The following COL19A1 variants were observed in gnomAD, a reference collection of about 807,000 sequenced individuals.
COL19A1 encodes collagen type XIX alpha 1 chain, also known as collagen alpha-1(XIX) chain.
COL19A1 carries 159 observed loss-of-function variants against 190.2 expected under a neutral mutation model. The ratio of observed to expected loss-of-function variants is 0.84; its 90% CI spans 0.73 to 0.95. The LOEUF (loss-of-function observed/expected upper bound fraction) is 0.95, where lower values mean the gene tolerates loss of function less well. Ranked by LOEUF, COL19A1 falls within the 40% of genes least tolerant of loss-of-function variation. The pLI, the probability that COL19A1 is intolerant of heterozygous loss-of-function variation, is 0.00. For missense variants in COL19A1, 1,418 were observed against 1,431.9 expected (o/e 0.99, Z 0.16); for synonymous variants, 509 against 458.9 (o/e 1.11, Z -1.39).
At chr6:70,058,743 A>G (rs759160679) in intron 14 of COL19A1, among the ~76,000 whole-genome samples, 5 of 152,018 alleles carry the variant, frequency 3.3e-5, no homozygotes, top group Non-Finnish European at 7.4e-5. Flanking sequence ...ACTTCTCAGA[A>G]CTAATGTAAA....
At chr6:70,076,949 C>T (rs1781918540) in intron 15 of COL19A1, among the ~76,000 whole-genome samples, 1 of 152,120 alleles carries the variant, frequency 6.6e-6, no homozygotes, top group Non-Finnish European at 1.5e-5. Flanking sequence ...GTTATTTATC[C>T]ATTTGGGATG....
chr6:69,875,273 G>A (rs1487257252), intron 1 of COL19A1, among the ~76,000 whole-genome samples: 1 of 152,162 alleles, frequency 6.6e-6, no homozygotes, highest in Non-Finnish European at 1.5e-5. Flanking sequence ...ACCATATGAG[G>A]CTGGAGATGT....
intron 4 of COL19A1, among the ~76,000 whole-genome samples, chr6:69,925,031 A>G (rs142919403): frequency 0.013 from 1,940 of 152,230 alleles, 44 homozygotes; most frequent in African/African-American, 0.037. Context: ...CTGATTCTGT[A>G]GGTTGCCTGT....
chr6:69,884,366 A>G (rs1038193823), intron 2 of COL19A1, among the ~76,000 whole-genome samples: 6 of 151,928 alleles, frequency 3.9e-5, no homozygotes, highest in African/African-American at 1.4e-4. Context: ...GTATCAGACC[A>G]ATGAGAGGAA....
At chr6:69,977,457 T>C (rs1775784899) in intron 11 of COL19A1, among the ~76,000 whole-genome samples, 1 of 151,384 alleles carries the variant, frequency 6.6e-6, no homozygotes, top group South Asian at 2.1e-4. Flanking sequence ...CATTAGGAGA[T>C]ATACCTGATG....
At position 69,997,026 on chromosome 6, in the gene COL19A1, T is replaced by TATATATAGAGAG. The variant is rs576813975; in HGVS notation, c.1027-26600_1027-26599insTATATAGAGAGA. Reference sequence around the variant, plus strand: ...GTGTTTATATATACATATATATATATAGAGAGAGAGAGAGAGAGAGAGAAA... The same window carrying TATATATAGAGAG: ...GTGTTTATATATACATATATATATATATATATAGAGAGAGAGAGAGAGAGAGAGAGAGAGAAA... On this transcript the variant is annotated intron_variant, in intron 11 of 50. Transcript: ENST00000620364. Among the ~76,000 whole-genome samples the TATATATAGAGAG allele has an allele frequency of 4.8e-4, 70 of 146,974 alleles. 1 individual carries two copies. In the South Asian group the frequency reaches 6.6e-3, roughly 14 times the overall value.
intron 14 of COL19A1, among the ~76,000 whole-genome samples, chr6:70,049,589 T>A (rs1780086992): frequency 6.6e-6 from 1 of 151,998 alleles, no homozygotes; most frequent in African/African-American, 2.4e-5. Flanking sequence ...TTTGCTTCTG[T>A]TTCAAAAGGC....
intron 1 of COL19A1, among the ~76,000 whole-genome samples, chr6:69,875,754 T>A (rs1768092851): frequency 6.6e-6 from 1 of 152,140 alleles, no homozygotes; most frequent in South Asian, 2.1e-4. Context: ...TCTGGATGTA[T>A]TAAGTTATAG....
intron 34 of COL19A1, 93 bp from the exon 35 acceptor site, chr6:70,161,806 GT>G: frequency 1.3e-6 from 1 of 783,330 alleles, no homozygotes; most frequent in Non-Finnish European, 2.0e-6. Context: ...AGCTAAATAA[GT>G]GTTTAATGTT....
chr6:69,919,004 T>C (rs1173783615), intron 4 of COL19A1, among the ~76,000 whole-genome samples: 5 of 152,118 alleles, frequency 3.3e-5, no homozygotes, highest in South Asian at 2.1e-4. Context: ...GAGAGAGAAA[T>C]AGACAAGGTT....
At chr6:69,922,007 T>G (rs1471445209) in intron 4 of COL19A1, among the ~76,000 whole-genome samples, 3 of 152,118 alleles carry the variant, frequency 2.0e-5, no homozygotes, top group African/African-American at 7.2e-5. Context: ...TGTCATTATA[T>G]CTCTCTGGTA....
intron 12 of COL19A1, among the ~76,000 whole-genome samples, chr6:70,033,912 C>T (rs1373814036): frequency 6.6e-6 from 1 of 152,076 alleles, no homozygotes; most frequent in Non-Finnish European, 1.5e-5. Context: ...GAGGTATTTA[C>T]AACATCCACA....
intron 16 of COL19A1, among the ~76,000 whole-genome samples, chr6:70,118,198 A>T (rs1377538227): frequency 6.6e-6 from 1 of 152,218 alleles, no homozygotes; most frequent in African/African-American, 2.4e-5. Flanking sequence ...GCCATATTTC[A>T]TACCAGAATA....
chr6:70,040,970 T>C (rs1338134853), intron 14 of COL19A1, among the ~76,000 whole-genome samples: 1 of 152,206 alleles, frequency 6.6e-6, no homozygotes. Context: ...AACTATTTTG[T>C]AAAACAGTGT....
chr6:69,921,799 T>G (rs1488803473), intron 4 of COL19A1, among the ~76,000 whole-genome samples: 1 of 148,774 alleles, frequency 6.7e-6, no homozygotes, highest in African/African-American at 2.5e-5. Flanking sequence ...GATTCGTATA[T>G]GTATATTCGT....
intron 11 of COL19A1, among the ~76,000 whole-genome samples, chr6:70,016,366 T>TAAAAAA (rs752043571): frequency 1.1e-4 from 4 of 37,604 alleles, no homozygotes; most frequent in African/African-American, 5.5e-4. Flanking sequence ...TAGAGTATAA[T>TAAAAAA]AAAAAAAAAA....
intron 9 of COL19A1, among the ~76,000 whole-genome samples, chr6:69,953,241 A>G (rs1279384751): frequency 6.6e-6 from 1 of 152,034 alleles, no homozygotes; most frequent in Non-Finnish European, 1.5e-5. Context: ...AATACCTCTT[A>G]AGCAGAGAAT....
At chr6:69,985,796 C>T (rs1258074598) in intron 11 of COL19A1, among the ~76,000 whole-genome samples, 1 of 151,992 alleles carries the variant, frequency 6.6e-6, no homozygotes, top group Non-Finnish European at 1.5e-5. Context: ...GAGTTAATAG[C>T]CATTATAGTC....
chr6:69,967,076 A>C (rs1423298283), intron 11 of COL19A1, among the ~76,000 whole-genome samples: 2 of 152,226 alleles, frequency 1.3e-5, no homozygotes, highest in Non-Finnish European at 2.9e-5. Context: ...TAATTTTCTC[A>C]AAGTTAAACT....
Sources: allele counts gnomAD v4.1 joint callset (sites outside exome capture counted in the v4.1 genomes callset), GRCh38; gene constraint gnomAD v4.1.1; transcripts MANE v1.5; gene names NCBI Gene and HGNC (gene_info 2026-07-23, HGNC 2026-07-21).